The following PRKCB variants were observed in gnomAD, a reference collection of about 807,000 sequenced individuals.
PRKCB encodes the protein protein kinase C beta.
Under a neutral mutation model 81.5 loss-of-function variants are expected in PRKCB, and 13 were observed. The observed-to-expected ratio is 0.16, with a 90% confidence interval of 0.10 to 0.25. The LOEUF (loss-of-function observed/expected upper bound fraction) is 0.25. Ranked by LOEUF, PRKCB falls within the 10% of genes least tolerant of loss-of-function variation. The pLI, the probability that PRKCB is intolerant of heterozygous loss-of-function variation, is 1.00. For synonymous variants in PRKCB, 335 were observed against 321.4 expected (o/e 1.04, Z -0.45); for missense variants, 509 against 875.7 (o/e 0.58, Z 5.29).
intron 15 of PRKCB, among the ~76,000 whole-genome samples, chr16:24,189,327 G>A (rs1351797072): frequency 1.3e-5 from 2 of 152,092 alleles, no homozygotes; most frequent in East Asian, 3.9e-4. Flanking sequence ...GATGATCAGG[G>A]AAGCTCATGC....
chr16:24,120,389 G>T (rs1385650117), intron 8 of PRKCB, among the ~76,000 whole-genome samples: 5 of 152,188 alleles, frequency 3.3e-5, no homozygotes, highest in Non-Finnish European at 4.4e-5. Context: ...TGCTTTGTTA[G>T]CCATGGTTCC....
At chr16:23,990,458 G>A (rs192448693) in intron 3 of PRKCB, among the ~76,000 whole-genome samples, 120 of 144,312 alleles carry the variant, frequency 8.3e-4, no homozygotes, top group African/African-American at 2.4e-3. Flanking sequence ...ACTCTGTCTC[G>A]AAAAAAAAGA....
At chr16:24,171,648 A>G (rs1967442734) in intron 10 of PRKCB, among the ~76,000 whole-genome samples, 1 of 152,214 alleles carries the variant, frequency 6.6e-6, no homozygotes, top group African/African-American at 2.4e-5. Context: ...AATCAGCCTT[A>G]TCCTAAACAA....
chr16:24,040,489 G>A (rs578012706), intron 5 of PRKCB, among the ~76,000 whole-genome samples: 1 of 152,212 alleles, frequency 6.6e-6, no homozygotes, highest in East Asian at 1.9e-4. Flanking sequence ...CCTGAGCTTG[G>A]CCTTGTGAAA....
chr16:24,129,223 A>G (rs1467517164), intron 9 of PRKCB, among the ~76,000 whole-genome samples: 1 of 152,140 alleles, frequency 6.6e-6, no homozygotes, highest in South Asian at 2.1e-4. Flanking sequence ...GTTTGAATGG[A>G]GGCTTTCTTG....
At chr16:24,026,359 T>C (rs1037949738) in intron 3 of PRKCB, among the ~76,000 whole-genome samples, 1 of 152,232 alleles carries the variant, frequency 6.6e-6, no homozygotes, top group Admixed American at 6.5e-5. Context: ...TCCCATTCTT[T>C]GTGCTTCTTG....
At chr16:24,177,094 T>C (rs1967547014) in intron 12 of PRKCB, among the ~76,000 whole-genome samples, 1 of 152,154 alleles carries the variant, frequency 6.6e-6, no homozygotes, top group African/African-American at 2.4e-5. Context: ...ACCAACTGGG[T>C]TCTTGAGAAG....
intron 12 of PRKCB, among the ~76,000 whole-genome samples, chr16:24,176,083 G>T (rs904546276): frequency 3.3e-5 from 5 of 152,058 alleles, no homozygotes; most frequent in Admixed American, 3.3e-4. Flanking sequence ...GGGAAGTGGG[G>T]ACCTTGTCAG....
chr16:24,163,257 A>G (rs1967292465), intron 10 of PRKCB, among the ~76,000 whole-genome samples: 1 of 152,148 alleles, frequency 6.6e-6, no homozygotes. Flanking sequence ...GTCCAAGGAG[A>G]CTAACTGGAT....
chr16:23,947,109 G>A (rs1964213341), intron 2 of PRKCB, among the ~76,000 whole-genome samples: 2 of 152,164 alleles, frequency 1.3e-5, no homozygotes, highest in African/African-American at 4.8e-5. Context: ...ACCTGCCTTG[G>A]CCTCCCAAAG....
chr16:23,987,216 A>G (rs979314758), intron 2 of PRKCB, among the ~76,000 whole-genome samples: 2 of 152,238 alleles, frequency 1.3e-5, no homozygotes, highest in Non-Finnish European at 2.9e-5. Context: ...AATGTTCTGC[A>G]CGTGTATCCC....
intron 9 of PRKCB, 65 bp from the exon 10 acceptor site, chr16:24,154,619 C>A (rs929487920): frequency 6.6e-7 from 1 of 1,524,558 alleles, no homozygotes; most frequent in Non-Finnish European, 9.0e-7. Context: ...AAATGAACAC[C>A]AGCTGCTCAT....
chr16:23,915,062 G>T (rs1278982788), intron 2 of PRKCB, among the ~76,000 whole-genome samples: 1 of 152,182 alleles, frequency 6.6e-6, no homozygotes, highest in Non-Finnish European at 1.5e-5. Flanking sequence ...TGGCCTGTTT[G>T]CACTGTGTTA....
chr16:24,114,779 A>C (rs1447018132), intron 8 of PRKCB, among the ~76,000 whole-genome samples: 1 of 152,182 alleles, frequency 6.6e-6, no homozygotes, highest in Non-Finnish European at 1.5e-5. Context: ...CTAACTCCCC[A>C]AAAATGTATA....
intron 9 of PRKCB, among the ~76,000 whole-genome samples, chr16:24,152,678 G>A (rs407150): frequency 0.19 from 28,358 of 152,090 alleles, 2,859 homozygotes; most frequent in South Asian, 0.3. Context: ...TTGAGTCATT[G>A]TTTCTGTGTT....
chr16:23,915,927 T>A (rs12926067), intron 2 of PRKCB, among the ~76,000 whole-genome samples: 80,559 of 151,908 alleles, frequency 0.53, 21,940 homozygotes, highest in East Asian at 0.62. Context: ...GTATTTTAAA[T>A]TAAAATTAGA....
intron 9 of PRKCB, chr16:24,151,577 T>G (rs1967080309): frequency 3.2e-6 from 1 of 316,548 alleles, no homozygotes; most frequent in African/African-American, 2.2e-5. Context: ...CGATTTGGTC[T>G]GAATGGAACC....
intron 2 of PRKCB, among the ~76,000 whole-genome samples, chr16:23,850,867 G>A (rs1012530745): frequency 1.3e-5 from 2 of 152,086 alleles, no homozygotes; most frequent in African/African-American, 4.8e-5. Context: ...TTTCCCTAGT[G>A]CTTAGTGTGC....
chr16:23,878,154 A>G (rs776149726), intron 2 of PRKCB, among the ~76,000 whole-genome samples: 8 of 152,144 alleles, frequency 5.3e-5, no homozygotes, highest in African/African-American at 9.7e-5. Context: ...TGTCATTCAC[A>G]GTAGTTATGT....
Sources: gnomAD v4.1 joint callset for allele counts (sites outside exome capture counted in the v4.1 genomes callset) on GRCh38, gnomAD v4.1.1 for gene constraint, MANE v1.5 for transcripts, NCBI Gene and HGNC (gene_info 2026-07-23, HGNC 2026-07-21) for gene names.